Variants in RASAL2 observed in about 807,000 individuals in gnomAD.
RASAL2 encodes the protein RAS protein activator like 2.
In RASAL2, 58 loss-of-function variants were observed where a neutral mutation model predicts 128.9. That is an observed-to-expected ratio of 0.45 (90% CI 0.36 to 0.56). The LOEUF (loss-of-function observed/expected upper bound fraction) is 0.56, where lower values mean the gene tolerates loss of function less well. Ranked by LOEUF, RASAL2 falls within the 20% of genes least tolerant of loss-of-function variation. RASAL2 has a pLI of 0.00. For missense variants in RASAL2, 1,360 were observed against 1,601.6 expected, an observed-to-expected ratio of 0.85 and a Z score of 2.57; for synonymous variants, 561 against 580.8, an observed-to-expected ratio of 0.97 and a Z score of 0.49.
At chr1:178,419,218 A>G (rs1278407346) in intron 4 of RASAL2, among the ~76,000 whole-genome samples, 3 of 152,136 alleles carry the variant, frequency 2.0e-5, no homozygotes, top group Admixed American at 2.0e-4. Context: ...GTCATTCTCC[A>G]TGTGTCAAAA....
intron 3 of RASAL2, among the ~76,000 whole-genome samples, chr1:178,322,824 C>G (rs1330554060): frequency 1.3e-5 from 2 of 152,120 alleles, no homozygotes; most frequent in Non-Finnish European, 2.9e-5. Context: ...ACTAAACGTC[C>G]TATATATTCT....
In RASAL2 at chr1:178,229,465, T is replaced by C. The variant is rs923305395; in HGVS notation, c.203-54099T>C. Reference sequence around the variant, plus strand: ...ACATTTTTGAAGCAAGGAGGATGGTTATTTTGTAGAACTTTTTTTTTTTTT... The same window carrying C: ...ACATTTTTGAAGCAAGGAGGATGGTCATTTTGTAGAACTTTTTTTTTTTTT... On this transcript the variant is annotated intron_variant, in intron 1 of 17. Coordinates refer to ENST00000367649, the MANE Select transcript of RASAL2 (RefSeq NM_170692.4). Among the ~76,000 whole-genome samples the C allele has an allele frequency of 7.2e-5, 11 of 152,256 alleles. No homozygotes were observed. The South Asian group carries it at 2.1e-3, about 29-fold the overall frequency.
At chr1:178,176,401 G>A (rs1286895281) in intron 1 of RASAL2, among the ~76,000 whole-genome samples, 3 of 131,764 alleles carry the variant, frequency 2.3e-5, no homozygotes, top group Non-Finnish European at 5.0e-5. Context: ...ACTTTTTGAT[G>A]GGATTTTTTT....
chr1:178,237,022 C>T (rs1041653660), intron 1 of RASAL2, among the ~76,000 whole-genome samples: 95 of 151,982 alleles, frequency 6.3e-4, no homozygotes, highest in African/African-American at 2.2e-3. Context: ...CCTCAGCCTC[C>T]GAAAATGCTG....
chr1:178,423,879 A>G (rs1050756648), intron 5 of RASAL2, among the ~76,000 whole-genome samples: 3 of 152,114 alleles, frequency 2.0e-5, no homozygotes, highest in African/African-American at 7.2e-5. Flanking sequence ...TTTTATTACT[A>G]CGGATAGTAA....
At chr1:178,405,163 A>G (rs1442149121) in intron 4 of RASAL2, among the ~76,000 whole-genome samples, 2 of 152,278 alleles carry the variant, frequency 1.3e-5, no homozygotes, top group African/African-American at 4.8e-5. Flanking sequence ...TTACATATAC[A>G]CTTACCTTTT....
intron 1 of RASAL2, among the ~76,000 whole-genome samples, chr1:178,173,039 G>A (rs10047058): frequency 0.11 from 16,530 of 152,128 alleles, 1,144 homozygotes; most frequent in African/African-American, 0.19. Flanking sequence ...TTTCACCTAT[G>A]TGCATGTGTG....
At chr1:178,228,479 A>G (rs953789478) in intron 1 of RASAL2, among the ~76,000 whole-genome samples, 9 of 152,120 alleles carry the variant, frequency 5.9e-5, no homozygotes, top group Non-Finnish European at 1.0e-4. Flanking sequence ...GCTACTTGGG[A>G]GGCTGGGGCA....
intron 10 of RASAL2, 110 bp downstream of exon 10, chr1:178,451,825 C>A: frequency 7.4e-7 from 1 of 1,342,946 alleles, no homozygotes; most frequent in Non-Finnish European, 1.0e-6. Context: ...TATTTTACAA[C>A]CAAAGGGGAG....
chr1:178,278,085 G>C (rs1666610340), intron 1 of RASAL2, among the ~76,000 whole-genome samples: 1 of 152,202 alleles, frequency 6.6e-6, no homozygotes, highest in African/African-American at 2.4e-5. Flanking sequence ...GCCGCAGAGA[G>C]GGGGCCCAGA....
chr1:178,187,802 G>A (rs539582009), intron 1 of RASAL2, among the ~76,000 whole-genome samples: 1 of 152,212 alleles, frequency 6.6e-6, no homozygotes, highest in Non-Finnish European at 1.5e-5. Flanking sequence ...GTCTCACTCT[G>A]CAGAAGTACA....
At chr1:178,371,355 T>TACACACACACACACACACACAC (rs766584516) in intron 3 of RASAL2, among the ~76,000 whole-genome samples, 13 of 127,662 alleles carry the variant, frequency 1.0e-4, no homozygotes, top group African/African-American at 3.1e-4. Context: ...CACACACAAA[T>TACACACACACACACACACACAC]ACACACACAC....
chr1:178,339,545 G>A (rs184826069), intron 3 of RASAL2, among the ~76,000 whole-genome samples: 49 of 152,192 alleles, frequency 3.2e-4, no homozygotes, highest in African/African-American at 1.1e-3. Flanking sequence ...CATTGGTTAC[G>A]AATAGCCTCA....
At chr1:178,349,327 A>T (rs1670337130) in intron 3 of RASAL2, among the ~76,000 whole-genome samples, 1 of 150,540 alleles carries the variant, frequency 6.6e-6, no homozygotes, top group South Asian at 2.1e-4. Context: ...CGGGAGGCTG[A>T]GGCAGGGGAA....
At chr1:178,422,457 A>G (rs1675216287) in intron 5 of RASAL2, among the ~76,000 whole-genome samples, 1 of 152,018 alleles carries the variant, frequency 6.6e-6, no homozygotes, top group African/African-American at 2.4e-5. Context: ...TAATTTATCA[A>G]CTCCATTTGA....
intron 4 of RASAL2, among the ~76,000 whole-genome samples, chr1:178,404,329 A>T (rs1673845952): frequency 2.0e-5 from 3 of 152,130 alleles, no homozygotes; most frequent in African/African-American, 7.2e-5. Flanking sequence ...GTTTCTGAAC[A>T]TATGAAAACA....
intron 3 of RASAL2, among the ~76,000 whole-genome samples, chr1:178,336,219 T>C (rs1669579420): frequency 1.3e-5 from 2 of 152,078 alleles, no homozygotes; most frequent in African/African-American, 2.4e-5. Context: ...TAACAGTCTT[T>C]AGAGTTCTAC....
At chr1:178,292,035 C>CAAAAAA (rs34317624) in intron 2 of RASAL2, among the ~76,000 whole-genome samples, 1 of 59,108 alleles carries the variant, frequency 1.7e-5, no homozygotes, top group African/African-American at 5.3e-5. Flanking sequence ...GACTTTGTCT[C>CAAAAAA]AAAAAAAAAA....
At chr1:178,234,284 A>G (rs1422818687) in intron 1 of RASAL2, among the ~76,000 whole-genome samples, 1 of 152,196 alleles carries the variant, frequency 6.6e-6, no homozygotes, top group African/African-American at 2.4e-5. Flanking sequence ...TTATCTCTTC[A>G]TAAACATTAT....
Sources: gnomAD v4.1 joint callset for allele counts (sites outside exome capture counted in the v4.1 genomes callset) on GRCh38, gnomAD v4.1.1 for gene constraint, MANE v1.5 for transcripts, NCBI Gene and HGNC (gene_info 2026-07-23, HGNC 2026-07-21) for gene names.